Variants in TCF12 observed in about 807,000 individuals in gnomAD.
TCF12 encodes the protein transcription factor 12.
In TCF12, 45 loss-of-function variants were observed where a neutral mutation model predicts 86.0. The observed-to-expected ratio is 0.52, with a 90% CI of 0.41 to 0.67. TCF12 has a LOEUF of 0.67. Ranked by LOEUF, TCF12 falls within the 30% of genes least tolerant of loss-of-function variation. The pLI is 0.00. For missense variants in TCF12, 881 were observed against 859.9 expected (o/e 1.02, Z -0.31); for synonymous variants, 330 against 299.6 (o/e 1.10, Z -1.05).
At chr15:57,128,180 T>C (rs114434858) in intron 5 of TCF12, among the ~76,000 whole-genome samples, 1,764 of 152,290 alleles carry the variant, frequency 0.012, 34 homozygotes, top group African/African-American at 0.04. Context: ...TTTTCTTTTA[T>C]ACTAATGATA....
chr15:57,182,352 A>G (rs1203729617), intron 6 of TCF12, among the ~76,000 whole-genome samples: 1 of 152,160 alleles, frequency 6.6e-6, no homozygotes, highest in Non-Finnish European at 1.5e-5. Flanking sequence ...TTAGGCTTTT[A>G]TAGTTTAGCA....
intron 12 of TCF12, among the ~76,000 whole-genome samples, chr15:57,236,000 T>G (rs1429716665): frequency 6.6e-6 from 1 of 152,180 alleles, no homozygotes; most frequent in African/African-American, 2.4e-5. Flanking sequence ...GTGAATGGAA[T>G]CCAGTGAAGA....
At chr15:57,250,244 C>T (rs998579028) in intron 13 of TCF12, among the ~76,000 whole-genome samples, 1 of 152,136 alleles carries the variant, frequency 6.6e-6, no homozygotes, top group Non-Finnish European at 1.5e-5. Context: ...GTTACTATTA[C>T]CCCTTAGTAA....
intron 3 of TCF12, among the ~76,000 whole-genome samples, chr15:57,008,243 G>A (rs1020750707): frequency 4.5e-4 from 68 of 151,666 alleles, no homozygotes; most frequent in African/African-American, 1.6e-3. Context: ...CCAAAGTGCC[G>A]AGATTACAGG....
intron 3 of TCF12, among the ~76,000 whole-genome samples, chr15:56,991,503 G>A (rs529175795): frequency 2.0e-5 from 3 of 152,154 alleles, no homozygotes; most frequent in East Asian, 3.9e-4. Context: ...AAATCTAATT[G>A]TTTGACAGTA....
intron 12 of TCF12, among the ~76,000 whole-genome samples, chr15:57,241,021 A>G (rs973042169): frequency 6.6e-6 from 1 of 152,112 alleles, no homozygotes; most frequent in Non-Finnish European, 1.5e-5. Context: ...AAGAACAAAA[A>G]TGTACTTTCC....
At chr15:57,251,063 A>G (rs988497798) in intron 13 of TCF12, 1 of 286,560 alleles carries the variant, frequency 3.5e-6, no homozygotes, top group Admixed American at 4.8e-5. Context: ...TTTTCTCAAG[A>G]TACATAGGCA....
At chr15:57,057,257 CT>C (rs1293745746) in intron 3 of TCF12, among the ~76,000 whole-genome samples, 11 of 152,166 alleles carry the variant, frequency 7.2e-5, no homozygotes, top group African/African-American at 2.7e-4. Context: ...GGCCTTCTCC[CT>C]TTTGGGATTC....
intron 3 of TCF12, among the ~76,000 whole-genome samples, chr15:57,013,368 T>C (rs1238785198): frequency 6.6e-6 from 1 of 152,176 alleles, no homozygotes; most frequent in African/African-American, 2.4e-5. Flanking sequence ...TGGAGTGCAA[T>C]GGCACGATCC....
chr15:57,172,725 G>T (rs1262997152), intron 6 of TCF12, among the ~76,000 whole-genome samples: 1 of 151,974 alleles, frequency 6.6e-6, no homozygotes, highest in Admixed American at 6.5e-5. Flanking sequence ...AAACCTCCCC[G>T]ACACGAGTTT....
At chr15:57,213,575 T>TA (rs2058206175) in intron 8 of TCF12, among the ~76,000 whole-genome samples, 1 of 152,224 alleles carries the variant, frequency 6.6e-6, no homozygotes, top group African/African-American at 2.4e-5. Flanking sequence ...ATGCAGATGT[T>TA]AACTTCTGGT....
At chr15:57,284,837 T>C (rs2061865397) in intron 20 of TCF12, among the ~76,000 whole-genome samples, 1 of 152,258 alleles carries the variant, frequency 6.6e-6, no homozygotes, top group African/African-American at 2.4e-5. Flanking sequence ...CTTTTACTAC[T>C]TCTCTATTTC....
chr15:57,272,518 A>G (rs1426722268), intron 18 of TCF12, among the ~76,000 whole-genome samples: 2 of 152,256 alleles, frequency 1.3e-5, no homozygotes, highest in Non-Finnish European at 2.9e-5. Context: ...ATTTAAGAGC[A>G]TAGGCTAAGC....
intron 3 of TCF12, among the ~76,000 whole-genome samples, chr15:57,006,503 C>A (rs979210098): frequency 6.6e-6 from 1 of 151,782 alleles, no homozygotes; most frequent in Non-Finnish European, 1.5e-5. Flanking sequence ...TGGGGTTTCA[C>A]CATGTTGGCC....
intron 8 of TCF12, among the ~76,000 whole-genome samples, chr15:57,214,644 T>C (rs1379606925): frequency 1.3e-5 from 2 of 152,198 alleles, no homozygotes; most frequent in African/African-American, 4.8e-5. Flanking sequence ...AATTTTAGCA[T>C]GTGTCTTTAC....
At chr15:57,062,146 C>T (rs547821361) in intron 3 of TCF12, among the ~76,000 whole-genome samples, 6 of 152,076 alleles carry the variant, frequency 3.9e-5, no homozygotes, top group Non-Finnish European at 5.9e-5. Context: ...TTAGTAGAGA[C>T]GGGGTTTCTC....
intron 3 of TCF12, among the ~76,000 whole-genome samples, chr15:57,038,170 C>T (rs532225790): frequency 1.3e-5 from 2 of 152,068 alleles, no homozygotes; most frequent in Admixed American, 6.6e-5. Context: ...GCAGGCGTGG[C>T]GGCTCATGCC....
At chr15:57,281,286 T>TTA (rs1209659315) in intron 19 of TCF12, among the ~76,000 whole-genome samples, 1 of 152,150 alleles carries the variant, frequency 6.6e-6, no homozygotes, top group Non-Finnish European at 1.5e-5. Context: ...TTGCTATCTT[T>TTA]TATAAGAAGC....
At chr15:57,089,776 A>G (rs2048874452) in intron 4 of TCF12, among the ~76,000 whole-genome samples, 1 of 152,162 alleles carries the variant, frequency 6.6e-6, no homozygotes, top group African/African-American at 2.4e-5. Flanking sequence ...GATGACAAAC[A>G]ATATTTAAGT....
Sources: gnomAD v4.1 joint callset for allele counts (sites outside exome capture counted in the v4.1 genomes callset) on GRCh38, gnomAD v4.1.1 for gene constraint, MANE v1.5 for transcripts, NCBI Gene and HGNC (gene_info 2026-07-23, HGNC 2026-07-21) for gene names.